Variants in LRMDA observed in about 807,000 individuals in gnomAD.
LRMDA encodes the protein leucine-rich melanocyte differentiation-associated protein.
Under a neutral mutation model 29.8 loss-of-function variants are expected in LRMDA, and 18 were observed. The observed-to-expected ratio is 0.60, with a 90% CI of 0.42 to 0.90. The LOEUF (loss-of-function observed/expected upper bound fraction) is 0.90, where lower values mean the gene tolerates loss of function less well. Among genes scored for constraint, LRMDA ranks in the 40% least tolerant of loss-of-function variants. The pLI, the probability that LRMDA is intolerant of heterozygous loss-of-function variation, is 0.00. For synonymous variants in LRMDA, 125 were observed against 109.4 expected, an observed-to-expected ratio of 1.14 and a Z score of -0.89; for missense variants, 273 against 273.9, an observed-to-expected ratio of 1.00 and a Z score of 0.02.
intron 2 of LRMDA, among the ~76,000 whole-genome samples, chr10:75,686,600 C>G (rs886476442): frequency 5.3e-5 from 8 of 152,124 alleles, no homozygotes; most frequent in African/African-American, 1.7e-4. Flanking sequence ...AGTTCCTAAC[C>G]CTTATATTTA....
chr10:75,960,556 C>T (rs1178270429), intron 2 of LRMDA, among the ~76,000 whole-genome samples: 1 of 152,134 alleles, frequency 6.6e-6, no homozygotes, highest in East Asian at 1.9e-4. Context: ...TGGAGGTTTC[C>T]ATGATTGGGA....
intron 2 of LRMDA, among the ~76,000 whole-genome samples, chr10:75,448,116 G>C (rs1844415392): frequency 6.6e-6 from 1 of 152,150 alleles, no homozygotes; most frequent in South Asian, 2.1e-4. Context: ...ACTTCCCTGA[G>C]GTTCACTTTC....
At chr10:76,147,661 G>T (rs1020537943) in intron 5 of LRMDA, among the ~76,000 whole-genome samples, 42 of 151,726 alleles carry the variant, frequency 2.8e-4, no homozygotes, top group Admixed American at 9.8e-4. Context: ...TAGTTTGATC[G>T]TCTGAAGCCT....
intron 2 of LRMDA, among the ~76,000 whole-genome samples, chr10:75,441,983 C>T (rs1844331318): frequency 6.6e-6 from 1 of 152,212 alleles, no homozygotes; most frequent in African/African-American, 2.4e-5. Context: ...AGCAAATATG[C>T]AGTGAGAAGA....
chr10:76,316,299 G>A (rs1168755570), intron 5 of LRMDA, among the ~76,000 whole-genome samples: 1 of 152,160 alleles, frequency 6.6e-6, no homozygotes, highest in Admixed American at 6.5e-5. Flanking sequence ...CTTGCAGGAC[G>A]CCTGGTCCAG....
chr10:75,608,385 G>A (rs888073666), intron 2 of LRMDA, among the ~76,000 whole-genome samples: 1 of 151,926 alleles, frequency 6.6e-6, no homozygotes, highest in Non-Finnish European at 1.5e-5. Context: ...AGTTATGTAG[G>A]ATGTAATAAG....
intron 2 of LRMDA, among the ~76,000 whole-genome samples, chr10:75,884,263 GT>G (rs1845343360): frequency 3.3e-5 from 5 of 149,978 alleles, no homozygotes; most frequent in African/African-American, 9.9e-5. Flanking sequence ...GTGTGTGTGT[GT>G]GTGTGTGTGT....
chr10:75,638,718 A>G (rs1564528167), intron 2 of LRMDA, among the ~76,000 whole-genome samples: 1 of 152,240 alleles, frequency 6.6e-6, no homozygotes, highest in Admixed American at 6.5e-5. Flanking sequence ...GGGAAAATAT[A>G]TCACTGTAAA....
At chr10:76,491,196 T>C (rs760804851) in intron 6 of LRMDA, among the ~76,000 whole-genome samples, 1 of 152,032 alleles carries the variant, frequency 6.6e-6, no homozygotes, top group Non-Finnish European at 1.5e-5. Context: ...CTACTTAGAA[T>C]AAGAATAGTT....
chr10:75,609,226 G>A (rs1840997378), intron 2 of LRMDA, among the ~76,000 whole-genome samples: 1 of 152,138 alleles, frequency 6.6e-6, no homozygotes, highest in Non-Finnish European at 1.5e-5. Context: ...TCCCTGAGGA[G>A]GCTTGGTATG....
intron 2 of LRMDA, among the ~76,000 whole-genome samples, chr10:75,836,938 T>G (rs1331356631): frequency 6.6e-6 from 1 of 152,256 alleles, no homozygotes; most frequent in African/African-American, 2.4e-5. Flanking sequence ...TCATAGTACA[T>G]AAAACTGGAG....
intron 2 of LRMDA, among the ~76,000 whole-genome samples, chr10:75,484,047 A>C (rs1037835300): frequency 1.3e-5 from 2 of 151,966 alleles, no homozygotes; most frequent in Non-Finnish European, 1.5e-5. Flanking sequence ...CCTCTGCTTC[A>C]TGGGCTTAAG....
intron 2 of LRMDA, among the ~76,000 whole-genome samples, chr10:75,799,699 T>TGTGC: frequency 6.6e-6 from 1 of 151,218 alleles, no homozygotes; most frequent in South Asian, 2.1e-4. Flanking sequence ...TGTGTGTGTG[T>TGTGC]GTGTGTGTGT....
At chr10:76,245,964 A>G (rs1053891256) in intron 5 of LRMDA, among the ~76,000 whole-genome samples, 8 of 152,234 alleles carry the variant, frequency 5.3e-5, no homozygotes, top group Admixed American at 6.5e-5. Context: ...ATACGATACT[A>G]GCAGCTAACA....
At chr10:76,515,246 A>G (rs1843048332) in intron 6 of LRMDA, among the ~76,000 whole-genome samples, 1 of 152,190 alleles carries the variant, frequency 6.6e-6, no homozygotes, top group African/African-American at 2.4e-5. Context: ...TTGTAACTCC[A>G]TAGTTCATTG....
At chr10:76,333,738 C>T (rs1447633507) in intron 6 of LRMDA, among the ~76,000 whole-genome samples, 3 of 152,170 alleles carry the variant, frequency 2.0e-5, no homozygotes, top group African/African-American at 7.2e-5. Flanking sequence ...TTACAATAAT[C>T]CAGCATTCGA....
At chr10:75,656,492 G>A (rs1235751138) in intron 2 of LRMDA, among the ~76,000 whole-genome samples, 4 of 152,106 alleles carry the variant, frequency 2.6e-5, no homozygotes, top group African/African-American at 7.2e-5. Flanking sequence ...AGCAGTCCCC[G>A]TGCTTTGGGT....
intron 6 of LRMDA, among the ~76,000 whole-genome samples, chr10:76,440,641 CATT>C (rs1842292572): frequency 6.6e-6 from 1 of 152,094 alleles, no homozygotes; most frequent in Non-Finnish European, 1.5e-5. Context: ...AAATGCTTCT[CATT>C]ATTACATGAC....
chr10:75,890,434 T>G (rs1845466052), intron 2 of LRMDA, among the ~76,000 whole-genome samples: 1 of 152,184 alleles, frequency 6.6e-6, no homozygotes. Context: ...AGTGTCAGGA[T>G]GTAATCAGTT....
Sources: gnomAD v4.1 joint callset for allele counts (sites outside exome capture counted in the v4.1 genomes callset) on GRCh38, gnomAD v4.1.1 for gene constraint, MANE v1.5 for transcripts, NCBI Gene and HGNC (gene_info 2026-07-23, HGNC 2026-07-21) for gene names.